Variants in CSF1R observed in about 807,000 individuals in gnomAD.
The protein encoded by CSF1R is colony stimulating factor 1 receptor.
CSF1R carries 40 observed loss-of-function variants against 110.0 expected under a neutral mutation model. The ratio of observed to expected loss-of-function variants is 0.36; its 90% CI spans 0.28 to 0.47. CSF1R has a LOEUF of 0.47. Among genes scored for constraint, CSF1R ranks in the 20% least tolerant of loss-of-function variants. The probability of loss-of-function intolerance (pLI) is 0.99; values close to 1 mark genes in which losing one functional copy is unlikely to be tolerated. For missense variants in CSF1R, 1,052 were observed against 1,253.0 expected (o/e 0.84, Z 2.42); for synonymous variants, 523 against 503.4 (o/e 1.04, Z -0.52).
rs748019030 is a variant in CSF1R at position 150,057,518 on chromosome 5, G to T, written c.2207C>A (p.Ser736Tyr). 10 of 1,614,186 alleles carry T rather than the reference G, an allele frequency of 6.2e-6. No individual in the cohort carries two copies. The highest frequency in any genetic ancestry group is 8.5e-6 in the Non-Finnish European group (10 of 1,180,012). Residue 736 changes from serine to tyrosine, a missense_variant, in exon 15 of 21, where the codon TCC becomes TAC. Transcript: ENST00000675795. ...MRPVSTSSND[S>Y]FSEQDLDKED... ...GACCTCCTCACCTTGCTCAGAGAAG[G>T]AGTCATTTGAAGAAGTGGAGACAGG...
At chr5:150,106,781 A>T (rs1490646312) in intron 1 of CSF1R, among the ~76,000 whole-genome samples, 1 of 151,474 alleles carries the variant, frequency 6.6e-6, no homozygotes, top group Non-Finnish European at 1.5e-5. Flanking sequence ...TCCTGCATAC[A>T]CCCCCACACT....
intron 18 of CSF1R, 37 bp downstream of exon 18, chr5:150,055,989 G>C (rs1317137100): frequency 6.3e-7 from 1 of 1,579,384 alleles, no homozygotes; most frequent in South Asian, 1.1e-5. Context: ...AGAGGAGCCA[G>C]CCCCAGGCTC....
intron 10 of CSF1R, among the ~76,000 whole-genome samples, chr5:150,063,502 G>A (rs944123667): frequency 9.2e-5 from 14 of 151,954 alleles, no homozygotes; most frequent in Non-Finnish European, 1.9e-4. Flanking sequence ...GTGAGCCATC[G>A]CACCCAGCCT....
chr5:150,056,716 GCA>G (rs1757233797), intron 16 of CSF1R, among the ~76,000 whole-genome samples: 1 of 152,020 alleles, frequency 6.6e-6, no homozygotes, highest in Non-Finnish European at 1.5e-5. Flanking sequence ...CCTAAACTCT[GCA>G]CACATTGAAC....
Position 150,080,764 on chromosome 5 carries a change from C to A in CSF1R, c.307+3G>T, listed in dbSNP as rs779207967. The A allele has an allele frequency of 2.5e-6, 4 of 1,613,954 alleles. No individual in the cohort carries two copies. Among genetic ancestry groups the A allele is most frequent in the Non-Finnish European group, 3.4e-6 (4 of 1,179,974 alleles). Reference sequence around the variant, plus strand: ...CTCTTGGGAGGAGGCTCAGACTCCTCACCTTTGACATAGAGGTGGATGGCG... The same window carrying A: ...CTCTTGGGAGGAGGCTCAGACTCCTAACCTTTGACATAGAGGTGGATGGCG... On this transcript the variant is annotated splice_donor_region_variant and intron_variant, in intron 2 of 20. Transcript: ENST00000675795.
intron 1 of CSF1R, among the ~76,000 whole-genome samples, chr5:150,097,405 AAG>A (rs1486879068): frequency 6.6e-6 from 1 of 151,858 alleles, no homozygotes. Context: ...AAGAAGAAGA[AAG>A]AAAGAAAAAA....
Position 150,061,842 on chromosome 5 carries a change from T to C in CSF1R, c.1634A>G (p.Lys545Arg). 1.2e-6 allele frequency: 2 copies of C among 1,614,172 alleles called. No individual in the cohort carries two copies. The highest frequency in any genetic ancestry group is 2.2e-5 in the South Asian group (2 of 91,078). The stretch of plus-strand genomic sequence containing the variant: ...GATGATCTTCCAGCGGACCTGGTAC[T>C]TGGGCTTCTGCAGAAGAGGAAGGGA... ...LLLYKYKQKPKYQVRWKIIES... is the reference protein window; with the variant it reads ...LLLYKYKQKPRYQVRWKIIES... The change falls in exon 11 of 21, where the codon AAG becomes AGG. Residue 545 changes from lysine to arginine, a missense_variant. Physicochemically the swap from Lys to Arg is conservative, Grantham distance 26. This residue lies in a region of CSF1R where 693 missense variants were observed against 735.4 expected (regional missense o/e 0.94). Coordinates refer to ENST00000675795, the MANE Select transcript of CSF1R (RefSeq NM_001288705.3).
chr5:150,069,048 C>A (rs142395208), intron 9 of CSF1R, among the ~76,000 whole-genome samples: 166 of 152,312 alleles, frequency 1.1e-3, no homozygotes, highest in African/African-American at 2.8e-3. Flanking sequence ...CAGTGCCTGG[C>A]GCAGCAGAAG....
intron 1 of CSF1R, among the ~76,000 whole-genome samples, chr5:150,092,781 T>G (rs1759089183): frequency 6.6e-6 from 1 of 152,158 alleles, no homozygotes; most frequent in Non-Finnish European, 1.5e-5. Flanking sequence ...AAGGTGAGAA[T>G]TGGGTGGGGA....
intron 1 of CSF1R, chr5:150,094,242 C>A (rs1216554452): frequency 3.0e-6 from 3 of 1,013,936 alleles, no homozygotes; most frequent in African/African-American, 1.6e-5. Flanking sequence ...GAAGACATAA[C>A]AATCCTGGGT....
rs1356695267 is a variant in CSF1R, at chr5:150,055,326, G to A, written c.2565C>T (p.Pro855=). The part of the protein sequence containing the change: ...LWEIFSLGLN[P]YPGILVNSKF... ...TGCTGTTCACCAGGATGCCAGGGTA[G>A]GGATTCAGCCCTGCAAAGGCCAAGA... The change falls in exon 19 of 21, where the codon CCC becomes CCT. Residue 855 remains proline (P), a synonymous_variant. Transcript: ENST00000675795. The A allele has an allele frequency of 6.2e-7, 1 of 1,614,196 alleles. No homozygotes were observed. Among genetic ancestry groups the A allele is most frequent in the East Asian group, 2.2e-5 (1 of 44,892 alleles).
chr5:150,084,343 A>AAAAGAAAG lies in CSF1R; in HGVS notation c.49+2028_49+2035dup, dbSNP rs747780303. ...AAGACTCGGTCTCAAAAAGATAGAA[A>AAAAGAAAG]AAAGAAAGAAAGAAAGAAAGAAAGA... is the stretch of plus-strand genomic sequence containing the variant. On this transcript the variant is annotated intron_variant, in intron 1 of 20. Coordinates refer to ENST00000675795, the MANE Select transcript of CSF1R (RefSeq NM_001288705.3). 7.5e-3 allele frequency among the ~76,000 whole-genome samples: 632 copies of AAAAGAAAG among 84,290 alleles called. 19 individuals are homozygous for AAAAGAAAG. The highest frequency in any genetic ancestry group is 0.014 in the East Asian group (23 of 1,666). 55.3% of individuals were successfully genotyped at this position (84,290 alleles called of 152,430 possible). A position where few individuals can be genotyped will look rare whatever the true frequency, so the allele number is the denominator to read the frequency against.
At chr5:150,079,678 A>T (rs1758435042) in intron 3 of CSF1R, among the ~76,000 whole-genome samples, 1 of 152,228 alleles carries the variant, frequency 6.6e-6, no homozygotes, top group Non-Finnish European at 1.5e-5. Flanking sequence ...GCTGAAGCAG[A>T]TCTTTGCACA....
At chr5:150,068,991 T>C (rs1757909179) in intron 9 of CSF1R, among the ~76,000 whole-genome samples, 1 of 152,214 alleles carries the variant, frequency 6.6e-6, no homozygotes. Flanking sequence ...ATTTATTTCC[T>C]AGGTTTGTAG....
rs565548996 is a variant in CSF1R, at chr5:150,085,698, C to T, written c.49+681G>A. On this transcript the variant is annotated intron_variant, in intron 1 of 20. Transcript: ENST00000675795. ...CCTATTTCACCCCGAATTCCCCTCT[C>T]CTGAGCCCTGGGCCAGAGAGGCCAA... is the stretch of plus-strand genomic sequence containing the variant. Among the ~76,000 whole-genome samples the T allele has an allele frequency of 8.0e-4, 122 of 152,006 alleles. 1 individual carries two copies. The highest frequency in any genetic ancestry group is 2.9e-3 in the African/African-American group (121 of 41,442).
Position 150,059,719 on chromosome 5 carries a change from C to G in CSF1R, c.2113G>C (p.Glu705Gln). Residue 705 changes from glutamate (E) to glutamine (Q), a missense_variant, in exon 14 of 21, where the codon GAG (glutamate) becomes CAG (glutamine). This residue lies in a region of CSF1R where 124 missense variants were observed against 117.7 expected (regional missense o/e 1.05). Coordinates refer to ENST00000675795, the MANE Select transcript of CSF1R (RefSeq NM_001288705.3). ...GGCTACCTGCGGACATATTTCTTCTCGAGGTGGATGTTCTTATAGTCGACG... is the reference window on the plus strand; with the variant it reads ...GGCTACCTGCGGACATATTTCTTCTGGAGGTGGATGTTCTTATAGTCGACG... Reference protein sequence around the residue: ...GGVDYKNIHLEKKYVRRDSGF... With the variant: ...GGVDYKNIHLQKKYVRRDSGF... 6.2e-7 allele frequency: 1 copy of G among 1,613,982 alleles called. No homozygotes were observed. The highest frequency in any genetic ancestry group is 8.5e-7 in the Non-Finnish European group (1 of 1,179,880).
intron 1 of CSF1R, 84 bp downstream of exon 1, chr5:150,086,295 G>A (rs1277363149): frequency 7.2e-7 from 1 of 1,393,456 alleles, no homozygotes; most frequent in Non-Finnish European, 9.9e-7. Flanking sequence ...AGGACACCCA[G>A]TGAGGGGCAA....
At chr5:150,059,599 C>CCA in intron 14 of CSF1R, 101 bp downstream of exon 14, 1 of 1,428,072 alleles carries the variant, frequency 7.0e-7, no homozygotes. Context: ...GGCTGCATAG[C>CCA]CACCCATTCA....
chr5:150,096,164 C>T (rs546856994), intron 1 of CSF1R, among the ~76,000 whole-genome samples: 5 of 152,054 alleles, frequency 3.3e-5, no homozygotes, highest in East Asian at 3.9e-4. Flanking sequence ...CCGAGGCGGG[C>T]GGATCATGTG....
Sources: gnomAD v4.1 joint callset for allele counts (sites outside exome capture counted in the v4.1 genomes callset) on GRCh38, gnomAD v4.1.1 for gene constraint, gnomAD v4.1.1 regional missense constraint, MANE v1.5 for transcripts, NCBI Gene and HGNC (gene_info 2026-07-23, HGNC 2026-07-21) for gene names.